The following DPYD variants were observed in gnomAD, a reference collection of about 807,000 sequenced individuals.
The protein encoded by DPYD is dihydropyrimidine dehydrogenase.
In DPYD, 109 loss-of-function variants were observed where a neutral mutation model predicts 116.2. The ratio of observed to expected loss-of-function variants is 0.94; its 90% CI spans 0.80 to 1.10. The LOEUF (loss-of-function observed/expected upper bound fraction) is 1.10. DPYD is among the 50% of genes least tolerant of loss of function. The pLI, the probability that DPYD is intolerant of heterozygous loss-of-function variation, is 0.00. For missense variants in DPYD, 1,302 were observed against 1,254.5 expected, an observed-to-expected ratio of 1.04 and a Z score of -0.57; for synonymous variants, 440 against 432.0, an observed-to-expected ratio of 1.02 and a Z score of -0.23.
intron 16 of DPYD, among the ~76,000 whole-genome samples, chr1:97,361,990 A>G (rs889118424): frequency 6.6e-5 from 10 of 152,372 alleles, no homozygotes; most frequent in African/African-American, 2.2e-4. Flanking sequence ...AGGGCATTCA[A>G]TTAGGAAAAG....
At chr1:97,507,366 C>T (rs1230862160) in intron 13 of DPYD, among the ~76,000 whole-genome samples, 2 of 151,752 alleles carry the variant, frequency 1.3e-5, no homozygotes, top group Admixed American at 1.3e-4. Context: ...CAATACTATG[C>T]AATAAATAGA....
At chr1:97,783,331 G>A (rs979455521) in intron 3 of DPYD, among the ~76,000 whole-genome samples, 1 of 152,022 alleles carries the variant, frequency 6.6e-6, no homozygotes, top group African/African-American at 2.4e-5. Context: ...TGCTTTCCCA[G>A]GGAGATGTTT....
intron 11 of DPYD, among the ~76,000 whole-genome samples, chr1:97,562,854 G>A (rs973915858): frequency 6.6e-6 from 1 of 152,104 alleles, no homozygotes; most frequent in African/African-American, 2.4e-5. Context: ...CGAGTAGCTG[G>A]GATTACAGGT....
chr1:97,724,096 T>A (rs1281825703), intron 4 of DPYD, among the ~76,000 whole-genome samples: 1 of 151,534 alleles, frequency 6.6e-6, no homozygotes, highest in African/African-American at 2.4e-5. Flanking sequence ...ACATCCCTCA[T>A]GACAAAAGCT....
chr1:97,644,749 C>T (rs1278803001), intron 8 of DPYD, among the ~76,000 whole-genome samples: 4 of 151,850 alleles, frequency 2.6e-5, no homozygotes, highest in Non-Finnish European at 5.9e-5. Context: ...TGAGCCACCG[C>T]ACCTGGCCAA....
intron 3 of DPYD, among the ~76,000 whole-genome samples, chr1:97,751,399 TAC>T (rs1272156645): frequency 2.6e-4 from 37 of 143,032 alleles, no homozygotes; most frequent in African/African-American, 8.5e-4. Flanking sequence ...TGTGTATATA[TAC>T]ATATATACGT....
intron 2 of DPYD, among the ~76,000 whole-genome samples, chr1:97,840,354 T>A (rs568470275): frequency 6.6e-6 from 1 of 152,214 alleles, no homozygotes; most frequent in African/African-American, 2.4e-5. Flanking sequence ...AAGTGAAGCA[T>A]CCAAGCGGAA....
intron 12 of DPYD, among the ~76,000 whole-genome samples, chr1:97,536,582 A>G (rs1650015993): frequency 6.6e-6 from 1 of 152,224 alleles, no homozygotes; most frequent in African/African-American, 2.4e-5. Flanking sequence ...CCCTTTCTTC[A>G]GGCATTTTTA....
At chr1:97,546,996 A>C in intron 12 of DPYD, 1 of 1,588,142 alleles carries the variant, frequency 6.3e-7, no homozygotes, top group Non-Finnish European at 8.6e-7. Context: ...GTGTTTGCAC[A>C]TATTTGCAAT....
intron 12 of DPYD, among the ~76,000 whole-genome samples, chr1:97,536,121 C>T (rs577628038): frequency 5.3e-5 from 8 of 152,252 alleles, no homozygotes; most frequent in African/African-American, 1.9e-4. Context: ...ATTTCTGGTA[C>T]TAGTTAAGTC....
intron 12 of DPYD, among the ~76,000 whole-genome samples, chr1:97,540,833 C>T (rs1017499025): frequency 6.6e-6 from 1 of 152,142 alleles, no homozygotes; most frequent in Admixed American, 6.5e-5. Context: ...TCAGTCAACT[C>T]ATTAGCATAC....
rs528603224 is a variant in DPYD, at chr1:97,512,401, A to G, written c.1740+3325T>C. Among the ~76,000 whole-genome samples the G allele has an allele frequency of 2.0e-5, 3 of 152,006 alleles. No individual in the cohort carries two copies. The South Asian group carries it at 6.2e-4, about 31-fold the overall frequency. On this transcript the variant is annotated intron_variant, in intron 13 of 22. Coordinates refer to ENST00000370192, the MANE Select transcript of DPYD (RefSeq NM_000110.4). Reference sequence around the variant, plus strand: ...TAATCACAAGTTAATCTATGTATAGAAAGGGCTTACAAGTGAAGTGAACTG... The same window carrying G: ...TAATCACAAGTTAATCTATGTATAGGAAGGGCTTACAAGTGAAGTGAACTG...
At chr1:97,337,652 ATTTTTTT>A (rs67279659) in intron 16 of DPYD, among the ~76,000 whole-genome samples, 63,397 of 145,538 alleles carry the variant, frequency 0.44, 14,906 homozygotes, top group Middle Eastern at 0.57. Flanking sequence ...GACTTAACAC[ATTTTTTT>A]TTTTTTTTTT....
chr1:97,462,116 C>T (rs991339734), intron 13 of DPYD, among the ~76,000 whole-genome samples: 1 of 152,006 alleles, frequency 6.6e-6, no homozygotes, highest in African/African-American at 2.4e-5. Context: ...AAATAATTAA[C>T]CAAGTAAACA....
At chr1:97,735,239 AT>A (rs910103215) in intron 4 of DPYD, among the ~76,000 whole-genome samples, 3 of 152,164 alleles carry the variant, frequency 2.0e-5, no homozygotes, top group Non-Finnish European at 2.9e-5. Context: ...GAGTAAAAAA[AT>A]AATAATAAAA....
At chr1:97,350,208 C>G (rs1202152483) in intron 16 of DPYD, among the ~76,000 whole-genome samples, 1 of 152,052 alleles carries the variant, frequency 6.6e-6, no homozygotes, top group Non-Finnish European at 1.5e-5. Context: ...AAGAATTAAA[C>G]TTTATTGTAA....
chr1:97,152,568 A>C (rs1655110036), intron 20 of DPYD, among the ~76,000 whole-genome samples: 1 of 151,230 alleles, frequency 6.6e-6, no homozygotes, highest in African/African-American at 2.4e-5. Flanking sequence ...TCACGTAAAA[A>C]TACACAGATA....
chr1:97,735,053 C>T (rs1663845672), intron 4 of DPYD, among the ~76,000 whole-genome samples: 1 of 152,110 alleles, frequency 6.6e-6, no homozygotes, highest in Admixed American at 6.5e-5. Context: ...CTGATTCACA[C>T]AATCTTGGTG....
At chr1:97,311,729 A>G (rs946682794) in intron 16 of DPYD, among the ~76,000 whole-genome samples, 1 of 151,874 alleles carries the variant, frequency 6.6e-6, no homozygotes, top group Admixed American at 6.6e-5. Context: ...TGAAAAATAA[A>G]TGGTAATATA....
Sources: gnomAD v4.1 joint callset for allele counts (sites outside exome capture counted in the v4.1 genomes callset) on GRCh38, gnomAD v4.1.1 for gene constraint, MANE v1.5 for transcripts, NCBI Gene and HGNC (gene_info 2026-07-23, HGNC 2026-07-21) for gene names.